The following FARP1 variants were observed in gnomAD, a reference collection of about 807,000 sequenced individuals.
FARP1 encodes FERM, ARH/RhoGEF and pleckstrin domain protein 1.
In FARP1, 52 loss-of-function variants were observed where a neutral mutation model predicts 128.8. The observed-to-expected ratio is 0.40, with a 90% CI of 0.32 to 0.51. The LOEUF (loss-of-function observed/expected upper bound fraction) is 0.51. Ranked by LOEUF, FARP1 falls within the 20% of genes least tolerant of loss-of-function variation. The probability of loss-of-function intolerance (pLI) is 0.45; values close to 1 mark genes in which losing one functional copy is unlikely to be tolerated. For synonymous variants in FARP1, 580 were observed against 551.8 expected (o/e 1.05, Z -0.72); for missense variants, 1,333 against 1,367.9 (o/e 0.97, Z 0.40).
At chr13:98,319,087 C>G (rs1886877351) in intron 2 of FARP1, among the ~76,000 whole-genome samples, 1 of 151,572 alleles carries the variant, frequency 6.6e-6, no homozygotes, top group Admixed American at 6.6e-5. Flanking sequence ...CTCAGCCTCC[C>G]AAGTAGCTGG....
intron 2 of FARP1, among the ~76,000 whole-genome samples, chr13:98,256,094 G>A (rs549902315): frequency 3.3e-5 from 5 of 152,298 alleles, no homozygotes; most frequent in African/African-American, 9.6e-5. Flanking sequence ...TTACAGAGCC[G>A]GTAGAAATGA....
intron 1 of FARP1, among the ~76,000 whole-genome samples, chr13:98,211,735 G>T (rs1204963845): frequency 6.6e-6 from 1 of 152,126 alleles, no homozygotes; most frequent in Non-Finnish European, 1.5e-5. Context: ...ATGATGGAAG[G>T]CTTCCCTCTC....
chr13:98,375,578 G>A (rs1391897612), intron 5 of FARP1, among the ~76,000 whole-genome samples: 1 of 152,002 alleles, frequency 6.6e-6, no homozygotes, highest in Non-Finnish European at 1.5e-5. Context: ...TGTCTCCAAG[G>A]CCCTATCTCT....
At chr13:98,430,765 A>G (rs531743750) in intron 17 of FARP1, among the ~76,000 whole-genome samples, 16 of 152,344 alleles carry the variant, frequency 1.1e-4, no homozygotes, top group Non-Finnish European at 1.9e-4. Context: ...TTTTAAAGGA[A>G]CATTTATACC....
intron 2 of FARP1, among the ~76,000 whole-genome samples, chr13:98,304,098 T>G (rs1311911250): frequency 2.0e-5 from 3 of 152,268 alleles, no homozygotes; most frequent in Non-Finnish European, 4.4e-5. Context: ...ACTTCAGGCC[T>G]GGTAAAAACA....
chr13:98,380,472 A>AAAAT (rs1311331941), intron 6 of FARP1, among the ~76,000 whole-genome samples: 1 of 152,106 alleles, frequency 6.6e-6, no homozygotes, highest in South Asian at 2.1e-4. Flanking sequence ...TCTCACCACA[A>AAAAT]AAATAAATAA....
At chr13:98,254,762 T>C (rs1384522071) in intron 2 of FARP1, among the ~76,000 whole-genome samples, 1 of 152,186 alleles carries the variant, frequency 6.6e-6, no homozygotes, top group Non-Finnish European at 1.5e-5. Context: ...ACTGACTGTC[T>C]AGAGAATGTC....
intron 2 of FARP1, among the ~76,000 whole-genome samples, chr13:98,241,409 C>A (rs1240949054): frequency 6.6e-6 from 1 of 152,144 alleles, no homozygotes; most frequent in South Asian, 2.1e-4. Context: ...GTGGACTCCA[C>A]AACAGGCACA....
Position 98,449,002 on chromosome 13 carries a change from G to GTTGTT in FARP1, c.*688_*692dup, listed in dbSNP as rs1555299007. 1.3e-5 allele frequency: 2 copies of GTTGTT among 152,160 alleles called. No individual in the cohort carries two copies. The highest frequency in any genetic ancestry group is 4.8e-5 in the African/African-American group (2 of 41,406). The allele number at this position is 152,160 out of a possible 1,614,324, so 9.4% of individuals were successfully genotyped here. A position where few individuals can be genotyped will look rare whatever the true frequency, so the allele number is the denominator to read the frequency against. Reference sequence around the variant, plus strand: ...GGTAACTCTTTCCAACCGTAGCAGGGTTGTTTTCTGTTAAGCAAAGCCGAG... The same window carrying GTTGTT: ...GGTAACTCTTTCCAACCGTAGCAGGGTTGTTTTGTTTTCTGTTAAGCAAAGCCGAG... On this transcript the variant is annotated 3_prime_UTR_variant, in exon 27 of 27. Transcript: ENST00000319562.
intron 2 of FARP1, among the ~76,000 whole-genome samples, chr13:98,254,124 G>A (rs1883478625): frequency 6.6e-6 from 1 of 152,298 alleles, no homozygotes; most frequent in Admixed American, 6.5e-5. Context: ...GATAATCTGA[G>A]CGGGCAGTCG....
At chr13:98,316,101 T>C (rs1216859885) in intron 2 of FARP1, among the ~76,000 whole-genome samples, 1 of 151,138 alleles carries the variant, frequency 6.6e-6, no homozygotes, top group Non-Finnish European at 1.5e-5. Flanking sequence ...CTGTTGAATT[T>C]GTTTGTGAAC....
intron 2 of FARP1, among the ~76,000 whole-genome samples, chr13:98,305,114 A>G (rs1886084154): frequency 8.1e-6 from 1 of 123,522 alleles, no homozygotes; most frequent in African/African-American, 3.1e-5. Context: ...GTATATATAT[A>G]TATATTTTTT....
intron 2 of FARP1, among the ~76,000 whole-genome samples, chr13:98,296,384 G>T (rs1233497995): frequency 6.6e-6 from 1 of 151,990 alleles, no homozygotes; most frequent in African/African-American, 2.4e-5. Context: ...TCCCATTCCA[G>T]TTCTCTGGAT....
At chr13:98,186,946 C>T (rs1423366324) in intron 1 of FARP1, among the ~76,000 whole-genome samples, 6 of 140,698 alleles carry the variant, frequency 4.3e-5, no homozygotes, top group African/African-American at 8.0e-5. Flanking sequence ...GAGCCAAGAT[C>T]GCGCCACTGC....
intron 2 of FARP1, among the ~76,000 whole-genome samples, chr13:98,312,633 T>C (rs1291379019): frequency 1.3e-5 from 2 of 152,176 alleles, no homozygotes; most frequent in African/African-American, 4.8e-5. Flanking sequence ...GAATAATTAG[T>C]ACACCCAGCT....
intron 2 of FARP1, among the ~76,000 whole-genome samples, chr13:98,274,402 G>A (rs907135751): frequency 8.5e-5 from 13 of 152,196 alleles, no homozygotes; most frequent in East Asian, 3.9e-4. Flanking sequence ...ATTTCCCTGG[G>A]GCAGAAGAGA....
chr13:98,376,804 C>A (rs929958006), intron 5 of FARP1, among the ~76,000 whole-genome samples: 1 of 141,946 alleles, frequency 7.0e-6, no homozygotes, highest in Non-Finnish European at 1.5e-5. Context: ...TTTGTTACTG[C>A]CTATCTTTTG....
rs78558479 is a variant in FARP1, at chr13:98,436,292, G to A, written c.2274+586G>A. Among the ~76,000 whole-genome samples the A allele has an allele frequency of 7.5e-3, 1,139 of 152,140 alleles. 5 individuals carry two copies. Among genetic ancestry groups the A allele is most frequent in the Non-Finnish European group, 0.013 (871 of 67,980 alleles). ...TGATTCCTACTCAACAGGGCTTCCC[G>A]CACACACTCCTTCCAGGCCAGTGAC... On this transcript the variant is annotated intron_variant, in intron 19 of 26. Transcript: ENST00000319562.
At chr13:98,314,531 G>A (rs1886641029) in intron 2 of FARP1, among the ~76,000 whole-genome samples, 1 of 152,084 alleles carries the variant, frequency 6.6e-6, no homozygotes, top group Non-Finnish European at 1.5e-5. Flanking sequence ...GCCCGCCTCG[G>A]CCTCCCAAAG....
Sources: gnomAD v4.1 joint callset for allele counts (sites outside exome capture counted in the v4.1 genomes callset) on GRCh38, gnomAD v4.1.1 for gene constraint, MANE v1.5 for transcripts, NCBI Gene and HGNC (gene_info 2026-07-23, HGNC 2026-07-21) for gene names.